The following LSAMP variants were observed in gnomAD, a reference collection of about 807,000 sequenced individuals.
The protein encoded by LSAMP is limbic system associated membrane protein, also known as limbic system-associated membrane protein.
LSAMP carries 7 observed loss-of-function variants against 38.6 expected under a neutral mutation model. The ratio of observed to expected loss-of-function variants is 0.18; its 90% confidence interval spans 0.10 to 0.34. The LOEUF (loss-of-function observed/expected upper bound fraction) is 0.34, where lower values mean the gene tolerates loss of function less well. LSAMP is among the 10% of genes least tolerant of loss of function. The pLI is 1.00. For synonymous variants in LSAMP, 154 were observed against 166.8 expected, an observed-to-expected ratio of 0.92 and a Z score of 0.59; for missense variants, 313 against 420.0, an observed-to-expected ratio of 0.75 and a Z score of 2.23.
chr3:116,144,837 T>C (rs1343021158), intron 1 of LSAMP, among the ~76,000 whole-genome samples: 1 of 151,942 alleles, frequency 6.6e-6, no homozygotes, highest in Non-Finnish European at 1.5e-5. Flanking sequence ...GACTATAGTT[T>C]AAAATTTTTT....
At chr3:116,034,880 C>T (rs1008971149) in intron 2 of LSAMP, among the ~76,000 whole-genome samples, 8 of 152,282 alleles carry the variant, frequency 5.3e-5, no homozygotes, top group African/African-American at 1.9e-4. Context: ...TCTTCTCCAA[C>T]ATATTTAACA....
In LSAMP at chr3:116,098,356, G is replaced by A. The variant is rs531027434; in HGVS notation, c.156-11800C>T. On this transcript the variant is annotated intron_variant, in intron 1 of 6. Transcript: ENST00000490035. ...TCTAGTTAAAAATTCAAAATTAGCC[G>A]GGCGTGGTGGCGCATGCCTGTAATC... is the stretch of plus-strand genomic sequence containing the variant. Among the ~76,000 whole-genome samples, 46 of 152,086 alleles carry A rather than the reference G, an allele frequency of 3.0e-4. No homozygotes were observed. The South Asian group carries it at 4.6e-3, about 15-fold the overall frequency.
intron 3 of LSAMP, among the ~76,000 whole-genome samples, chr3:115,880,427 C>T (rs537604108): frequency 2.6e-5 from 4 of 152,154 alleles, no homozygotes; most frequent in South Asian, 4.1e-4. Context: ...TTTTGTCAGG[C>T]GAGTTAGTTT....
At chr3:116,369,145 A>G (rs77891777) in intron 1 of LSAMP, among the ~76,000 whole-genome samples, 1 of 152,154 alleles carries the variant, frequency 6.6e-6, no homozygotes, top group African/African-American at 2.4e-5. Flanking sequence ...AAAAAAAAAA[A>G]GAGAAGATTG....
intron 1 of LSAMP, among the ~76,000 whole-genome samples, chr3:116,377,131 G>A (rs2048503837): frequency 6.6e-6 from 1 of 151,868 alleles, no homozygotes; most frequent in Non-Finnish European, 1.5e-5. Context: ...TGTTACAAAG[G>A]TAAATGCGTG....
intron 1 of LSAMP, among the ~76,000 whole-genome samples, chr3:116,158,808 C>A (rs1403153885): frequency 1.3e-5 from 2 of 152,064 alleles, no homozygotes; most frequent in African/African-American, 2.4e-5. Context: ...ATATTCCTAT[C>A]AAACTACCAA....
intron 1 of LSAMP, among the ~76,000 whole-genome samples, chr3:116,421,340 C>A (rs1015557563): frequency 6.6e-6 from 1 of 151,880 alleles, no homozygotes; most frequent in Admixed American, 6.6e-5. Context: ...GAGGCTGAGG[C>A]GGGTGGATCA....
chr3:115,808,974 G>A lies in LSAMP; in HGVS notation c.*1343C>T, dbSNP rs558775926. 3.3e-5 allele frequency: 5 copies of A among 152,292 alleles called. No individual in the cohort carries two copies. Among genetic ancestry groups the A allele is most frequent in the Admixed American group, 2.6e-4 (4 of 15,300 alleles). 9.4% of individuals were successfully genotyped at this position (152,292 alleles called of 1,614,324 possible). The stretch of plus-strand genomic sequence containing the variant: ...GGGACAAATGTTATTTAAGATTAGG[G>A]AGGAGGTAAAACAGGGCTGCTTAGG... On this transcript the variant is annotated 3_prime_UTR_variant, in exon 7 of 7. Transcript: ENST00000490035.
chr3:116,306,905 A>G (rs543774483), intron 1 of LSAMP, among the ~76,000 whole-genome samples: 1 of 152,100 alleles, frequency 6.6e-6, no homozygotes, highest in Admixed American at 6.6e-5. Flanking sequence ...GGCCCTTTAA[A>G]TTATAGGGTA....
chr3:116,051,427 C>T (rs1412635270), intron 2 of LSAMP, among the ~76,000 whole-genome samples: 1 of 152,218 alleles, frequency 6.6e-6, no homozygotes, highest in Non-Finnish European at 1.5e-5. Flanking sequence ...AAATGCAGAA[C>T]TGGCTAGGAA....
intron 1 of LSAMP, among the ~76,000 whole-genome samples, chr3:116,122,958 T>C (rs2107490481): frequency 6.6e-6 from 1 of 152,298 alleles, no homozygotes; most frequent in East Asian, 1.9e-4. Context: ...AATAAATAGC[T>C]GTATAGTGAT....
intron 1 of LSAMP, among the ~76,000 whole-genome samples, chr3:116,106,442 CA>C (rs1224602941): frequency 1.3e-5 from 2 of 152,166 alleles, no homozygotes; most frequent in African/African-American, 4.8e-5. Context: ...AGTGTCTATA[CA>C]GCAGCTCAAA....
chr3:116,285,709 C>T (rs1180869926), intron 1 of LSAMP, among the ~76,000 whole-genome samples: 1 of 152,128 alleles, frequency 6.6e-6, no homozygotes, highest in Non-Finnish European at 1.5e-5. Flanking sequence ...TCCCTAGTGT[C>T]TAGAATCAGG....
At chr3:115,864,902 C>T (rs142777314) in intron 3 of LSAMP, among the ~76,000 whole-genome samples, 1 of 152,236 alleles carries the variant, frequency 6.6e-6, no homozygotes, top group African/African-American at 2.4e-5. Flanking sequence ...CTTAAATGTA[C>T]TCAATCATTT....
intron 1 of LSAMP, among the ~76,000 whole-genome samples, chr3:116,342,931 G>A (rs1293751705): frequency 6.6e-6 from 1 of 152,064 alleles, no homozygotes; most frequent in Non-Finnish European, 1.5e-5. Flanking sequence ...AATATTGATG[G>A]ATTCTTTCCA....
At chr3:115,851,146 G>A (rs1469524710) in intron 4 of LSAMP, among the ~76,000 whole-genome samples, 2 of 152,040 alleles carry the variant, frequency 1.3e-5, no homozygotes, top group Admixed American at 6.6e-5. Flanking sequence ...GCTAATTTTT[G>A]TATTTTTAGT....
At chr3:116,388,373 C>T (rs992047396) in intron 1 of LSAMP, among the ~76,000 whole-genome samples, 8 of 152,148 alleles carry the variant, frequency 5.3e-5, no homozygotes, top group East Asian at 1.9e-4. Flanking sequence ...TTGTTCTTGC[C>T]ATTTTACAGC....
chr3:116,323,835 A>G (rs1251321853), intron 1 of LSAMP, among the ~76,000 whole-genome samples: 2 of 152,120 alleles, frequency 1.3e-5, no homozygotes, highest in Non-Finnish European at 2.9e-5. Flanking sequence ...GCATTCTTTC[A>G]GCTTCATTGC....
chr3:115,937,646 AAAAG>A (rs1937749804), intron 3 of LSAMP, among the ~76,000 whole-genome samples: 1 of 32,994 alleles, frequency 3.0e-5, no homozygotes, highest in African/African-American at 4.0e-5. Flanking sequence ...TCTAAATAAG[AAAAG>A]AAAAAAAAAA....
Sources: allele counts gnomAD v4.1 joint callset (sites outside exome capture counted in the v4.1 genomes callset), GRCh38; gene constraint gnomAD v4.1.1; transcripts MANE v1.5; gene names NCBI Gene and HGNC (gene_info 2026-07-23, HGNC 2026-07-21).